Variants in ATP2B3 observed in about 807,000 individuals in gnomAD.
The protein encoded by ATP2B3 is ATPase plasma membrane Ca2+ transporting 3, also known as plasma membrane calcium-transporting ATPase 3.
In ATP2B3, 12 loss-of-function variants were observed where a neutral mutation model predicts 70.8. That is an observed-to-expected ratio of 0.17 (90% CI 0.11 to 0.27). The LOEUF is 0.27. ATP2B3 is among the 10% of genes least tolerant of loss of function. The pLI is 1.00. For missense variants in ATP2B3, 858 were observed against 1,118.5 expected, an observed-to-expected ratio of 0.77 and a Z score of 3.32; for synonymous variants, 460 against 497.8, an observed-to-expected ratio of 0.92 and a Z score of 1.01.
At chrX:153,532,946 G>C (rs41314151) in intron 2 of ATP2B3, 1,927 of 111,936 alleles carry the variant, frequency 0.017, 14 homozygotes, top group Non-Finnish European at 0.026. Flanking sequence ...GCCAACAGTC[G>C]CTCTAAATGG....
chrX:153,537,949 A>G (rs962166481), intron 3 of ATP2B3, among the ~76,000 whole-genome samples: 1 of 112,693 alleles, frequency 8.9e-6, no homozygotes, highest in Admixed American at 9.3e-5. Context: ...GGGCAGGTGC[A>G]CAGGTGGGTG....
chrX:153,572,230 C>A (rs997130321), intron 21 of ATP2B3, among the ~76,000 whole-genome samples: 1 of 112,778 alleles, frequency 8.9e-6, no homozygotes, highest in South Asian at 3.6e-4. Context: ...CTCCCCTAGA[C>A]AAGAGGGCTG....
intron 1 of ATP2B3, 123 bp downstream of exon 1, chrX:153,517,998 G>A (rs2089901666): frequency 9.1e-6 from 1 of 109,798 alleles, no homozygotes; most frequent in Non-Finnish European, 1.9e-5. Context: ...AGGGGGACAC[G>A]GGTCCCCGCC....
intron 2 of ATP2B3, among the ~76,000 whole-genome samples, chrX:153,521,401 A>G (rs1215857986): frequency 1.8e-5 from 2 of 112,815 alleles, no homozygotes; most frequent in Admixed American, 1.9e-4. Context: ...GGACTGCCCA[A>G]GGTTGGGAAG....
At chrX:153,560,513 G>T (rs2090608460) in intron 18 of ATP2B3, among the ~76,000 whole-genome samples, 163 bp from the exon 19 acceptor site, 1 of 111,816 alleles carries the variant, frequency 8.9e-6, no homozygotes, top group Non-Finnish European at 1.9e-5. Context: ...GGTTGGTTGA[G>T]CCTGGGGTGG....
At position 153,564,876 on chromosome X, in the gene ATP2B3, C is replaced by T. The variant is rs560213465; in HGVS notation, c.3160-45C>T. On this transcript the variant is annotated intron_variant, in intron 20 of 21. Coordinates refer to ENST00000263519, the MANE Select transcript of ATP2B3 (RefSeq NM_001001344.3). ...AGAGGGACCTTACACCAGGCAGATG[C>T]TGCTCAGCCTGGCTCTCACGGCCAC... 2.2e-5 allele frequency: 24 copies of T among 1,103,443 alleles called. No individual in the cohort carries two copies. In the South Asian group the frequency reaches 5.1e-4, roughly 23 times the overall value. The allele number at this position is 1,103,443 out of a possible 1,213,427, so 90.9% of individuals were successfully genotyped here. A position where few individuals can be genotyped will look rare whatever the true frequency, so the allele number is the denominator to read the frequency against.
At chrX:153,551,371 G>C (rs1449839242) in intron 12 of ATP2B3, among the ~76,000 whole-genome samples, 6 of 112,091 alleles carry the variant, frequency 5.4e-5, no homozygotes, top group Non-Finnish European at 7.5e-5. Context: ...GTCTTCCTTG[G>C]GGAAATGTCT....
chrX:153,575,111 G>A (rs782640513), intron 21 of ATP2B3, among the ~76,000 whole-genome samples: 11 of 112,594 alleles, frequency 9.8e-5, no homozygotes, highest in African/African-American at 3.2e-4. Flanking sequence ...TCATGGCTCC[G>A]GGGAGCCCCT....
At chrX:153,540,180 A>G (rs1018529826) in intron 3 of ATP2B3, among the ~76,000 whole-genome samples, 1 of 112,409 alleles carries the variant, frequency 8.9e-6, no homozygotes, top group Non-Finnish European at 1.9e-5. Context: ...ACTCATGGTT[A>G]CAGGGCCCTC....
chrX:153,556,645 G>A (rs1308575763), intron 15 of ATP2B3, among the ~76,000 whole-genome samples: 1 of 112,215 alleles, frequency 8.9e-6, no homozygotes, highest in Non-Finnish European at 1.9e-5. Context: ...GAAGCAGTGG[G>A]TCTAGAGCCA....
intron 21 of ATP2B3, among the ~76,000 whole-genome samples, chrX:153,572,273 G>A (rs4144871): frequency 0.078 from 8,810 of 112,592 alleles, 586 homozygotes; most frequent in African/African-American, 0.22. Context: ...GTCGAGTCAC[G>A]TGGTTTCCTA....
At chrX:153,539,904 G>T (rs1269989658) in intron 3 of ATP2B3, among the ~76,000 whole-genome samples, 1 of 113,036 alleles carries the variant, frequency 8.8e-6, no homozygotes, top group Non-Finnish European at 1.9e-5. Flanking sequence ...TGAGAAGTAA[G>T]CGTCCTCAAG....
chrX:153,564,845 C>A, intron 20 of ATP2B3, 76 bp from the exon 21 acceptor site: 1 of 1,016,929 alleles, frequency 9.8e-7, no homozygotes, highest in Non-Finnish European at 1.3e-6. Context: ...CGGCGTCTCC[C>A]TCTGGAGAGG....
chrX:153,558,988 G>C (rs782035296), intron 17 of ATP2B3, among the ~76,000 whole-genome samples: 2 of 111,603 alleles, frequency 1.8e-5, no homozygotes, highest in Admixed American at 9.5e-5. Flanking sequence ...CCTTAGAAAG[G>C]GGGTGTTTAA....
rs149337900 is a variant in ATP2B3 at position 153,519,162 on chromosome X, T to A, written c.-127+611T>A. Among the ~76,000 whole-genome samples the A allele has an allele frequency of 2.2e-3, 248 of 112,471 alleles. 1 individual carries two copies. Among genetic ancestry groups the A allele is most frequent in the African/African-American group, 7.1e-3 (220 of 30,960 alleles). On this transcript the variant is annotated intron_variant, in intron 2 of 21. Transcript: ENST00000263519. ...ACAGAGTGGGCACCTGGTTTCTGCA[T>A]GGCATATTCATGACCTTGACCTCAC... is the stretch of plus-strand genomic sequence containing the variant.
At chrX:153,539,257 C>T (rs1163512612) in intron 3 of ATP2B3, among the ~76,000 whole-genome samples, 1 of 112,287 alleles carries the variant, frequency 8.9e-6, no homozygotes, top group Non-Finnish European at 1.9e-5. Flanking sequence ...GAGCTGAGGT[C>T]GTGCGTTAAC....
At chrX:153,561,952 CA>C (rs1340993808) in intron 19 of ATP2B3, among the ~76,000 whole-genome samples, 182 bp from the exon 20 acceptor site, 2 of 112,622 alleles carry the variant, frequency 1.8e-5, no homozygotes, top group Non-Finnish European at 3.8e-5. Context: ...GCCTGGCACC[CA>C]GGGGCGCTGG....
intron 2 of ATP2B3, among the ~76,000 whole-genome samples, chrX:153,525,467 A>G (rs2090017885): frequency 9.0e-6 from 1 of 111,454 alleles, no homozygotes; most frequent in African/African-American, 3.3e-5. Flanking sequence ...GTCCAGCCCC[A>G]ATTCTCGGGC....
intron 12 of ATP2B3, 148 bp from the exon 13 acceptor site, chrX:153,552,887 T>C: frequency 2.2e-6 from 1 of 456,285 alleles, no homozygotes. Flanking sequence ...CACACGCCCT[T>C]CTCCCTGTGT....
Sources: allele counts gnomAD v4.1 joint callset (sites outside exome capture counted in the v4.1 genomes callset), GRCh38; gene constraint gnomAD v4.1.1; transcripts MANE v1.5; gene names NCBI Gene and HGNC (gene_info 2026-07-23, HGNC 2026-07-21).